Variants in LAMA2 observed in about 807,000 individuals in gnomAD.
The protein encoded by LAMA2 is laminin subunit alpha-2.
Under a neutral mutation model 364.8 loss-of-function variants are expected in LAMA2, and 269 were observed. That is an observed-to-expected ratio of 0.74 (90% CI 0.67 to 0.82). LAMA2 has a LOEUF of 0.82. LAMA2 is among the 40% of genes least tolerant of loss of function. The pLI is 0.00. For synonymous variants in LAMA2, 1,379 were observed against 1,370.6 expected (o/e 1.01, Z -0.14); for missense variants, 3,807 against 3,873.2 (o/e 0.98, Z 0.45).
At chr6:129,385,067 G>A (rs66497175) in intron 35 of LAMA2, among the ~76,000 whole-genome samples, 5,520 of 77,134 alleles carry the variant, frequency 0.072, 473 homozygotes, top group East Asian at 0.37. Context: ...GAAGGGAGGG[G>A]AGGGAAGGAA....
intron 1 of LAMA2, among the ~76,000 whole-genome samples, chr6:128,918,298 A>G (rs1232472061): frequency 6.6e-6 from 1 of 152,150 alleles, no homozygotes. Flanking sequence ...TTTTAGATAT[A>G]TTGGGGAAAA....
chr6:129,016,440 G>A (rs1157701681), intron 1 of LAMA2, among the ~76,000 whole-genome samples: 3 of 151,874 alleles, frequency 2.0e-5, no homozygotes, highest in Non-Finnish European at 2.9e-5. Flanking sequence ...AAATGACATC[G>A]CTATTGGCAT....
intron 1 of LAMA2, among the ~76,000 whole-genome samples, chr6:128,933,751 GT>G (rs1471353574): frequency 6.6e-6 from 1 of 152,100 alleles, no homozygotes; most frequent in African/African-American, 2.4e-5. Flanking sequence ...TTTTAGATAT[GT>G]TTAGGTCCTT....
intron 8 of LAMA2, chr6:129,159,216 G>T (rs1270051778): frequency 1.9e-6 from 2 of 1,076,474 alleles, no homozygotes; most frequent in Admixed American, 3.4e-5. Context: ...AGATTTTCTT[G>T]TAAAAGATCG....
At chr6:129,296,650 C>T (rs1050857317) in intron 20 of LAMA2, among the ~76,000 whole-genome samples, 9 of 151,692 alleles carry the variant, frequency 5.9e-5, no homozygotes, top group South Asian at 4.2e-4. Flanking sequence ...GGGTGGCTCA[C>T]GTTAAGTGGC....
chr6:129,452,769 C>G (rs903031928), intron 45 of LAMA2, among the ~76,000 whole-genome samples: 5 of 152,162 alleles, frequency 3.3e-5, no homozygotes, highest in Admixed American at 6.5e-5. Context: ...AGACATGGAA[C>G]TGTGAACAGC....
At chr6:129,260,639 T>C (rs2114319908) in intron 14 of LAMA2, 72 bp from the exon 15 acceptor site, 1 of 904,892 alleles carries the variant, frequency 1.1e-6, no homozygotes, top group Non-Finnish European at 1.9e-6. Context: ...TCATTGTTGC[T>C]GTACGATTCC....
At chr6:129,483,071 A>C (rs1264132315) in intron 55 of LAMA2, among the ~76,000 whole-genome samples, 2 of 151,172 alleles carry the variant, frequency 1.3e-5, no homozygotes, top group East Asian at 1.9e-4. Flanking sequence ...CGACTCGAAA[A>C]AAAAAAAAAA....
intron 1 of LAMA2, chr6:128,928,983 T>A: frequency 2.5e-6 from 3 of 1,179,778 alleles, no homozygotes; most frequent in Non-Finnish European, 3.8e-6. Flanking sequence ...TCATTCCAGC[T>A]CAGAAGGAGC....
chr6:129,297,850 G>A lies in LAMA2; in HGVS notation c.3022G>A (p.Glu1008Lys). ...TGCCCACGGCTATTTCAACTTCCAA[G>A]AAGGAGGCTGCACAGGTCTGTAAAT... Reference protein sequence around the residue: ...RCAHGYFNFQEGGCTACECSH... With the variant: ...RCAHGYFNFQKGGCTACECSH... Residue 1008 changes from glutamate (E) to lysine (K), a missense_variant, in exon 21 of 65, where the codon GAA becomes AAA. Coordinates refer to ENST00000421865, the MANE Select transcript of LAMA2 (RefSeq NM_000426.4). 1 of 1,613,776 alleles carries A rather than the reference G, an allele frequency of 6.2e-7. No homozygotes were observed. Among genetic ancestry groups the A allele is most frequent in the Non-Finnish European group, 8.5e-7 (1 of 1,179,840 alleles).
chr6:129,041,191 C>T lies in LAMA2; in HGVS notation c.113-8727C>T, dbSNP rs2114754715. ...TCACCTAGAGGAACATTGCCTGAAGCCTAAGGAAGCAGCCTTCCCTGTGCC... is the reference window on the plus strand; with the variant it reads ...TCACCTAGAGGAACATTGCCTGAAGTCTAAGGAAGCAGCCTTCCCTGTGCC... On this transcript the variant is annotated intron_variant, in intron 1 of 64. Transcript: ENST00000421865. Among the ~76,000 whole-genome samples, 4 of 152,268 alleles carry T rather than the reference C, an allele frequency of 2.6e-5. No individual in the cohort carries two copies. In the South Asian group the frequency reaches 8.3e-4, roughly 32 times the overall value.
intron 9 of LAMA2, among the ~76,000 whole-genome samples, chr6:129,170,680 C>T (rs555971097): frequency 3.1e-3 from 472 of 151,946 alleles, no homozygotes; most frequent in African/African-American, 7.7e-3. Flanking sequence ...TTATTAGGTC[C>T]GCTTGGTGCA....
At chr6:129,508,729 A>G (rs945483626) in intron 62 of LAMA2, among the ~76,000 whole-genome samples, 2 of 152,146 alleles carry the variant, frequency 1.3e-5, no homozygotes, top group African/African-American at 2.4e-5. Flanking sequence ...ATTCATATCC[A>G]GTATGTATAT....
chr6:129,045,841 G>A (rs1321836397), intron 1 of LAMA2, among the ~76,000 whole-genome samples: 2 of 152,220 alleles, frequency 1.3e-5, no homozygotes, highest in Non-Finnish European at 2.9e-5. Flanking sequence ...TTTCAGGGCA[G>A]ACCAAAGCAG....
chr6:129,153,261 A>T (rs1383267695), intron 7 of LAMA2, among the ~76,000 whole-genome samples: 1 of 152,196 alleles, frequency 6.6e-6, no homozygotes, highest in Non-Finnish European at 1.5e-5. Context: ...CACATGCATT[A>T]TCTCACTTGT....
intron 1 of LAMA2, among the ~76,000 whole-genome samples, chr6:128,914,667 C>T (rs1778201337): frequency 6.6e-6 from 1 of 152,046 alleles, no homozygotes; most frequent in Non-Finnish European, 1.5e-5. Flanking sequence ...TTCATGGACA[C>T]CTCAATTTAG....
At chr6:129,397,863 G>C (rs533159313) in intron 37 of LAMA2, among the ~76,000 whole-genome samples, 2 of 151,192 alleles carry the variant, frequency 1.3e-5, no homozygotes, top group African/African-American at 2.4e-5. Context: ...TGTGAACCTG[G>C]GAGGCAGAGC....
chr6:129,048,437 T>C (rs1374225908), intron 1 of LAMA2, among the ~76,000 whole-genome samples: 1 of 150,412 alleles, frequency 6.6e-6, no homozygotes, highest in Non-Finnish European at 1.5e-5. Flanking sequence ...GGTTTCTTTT[T>C]TCTTTTCTTT....
intron 1 of LAMA2, among the ~76,000 whole-genome samples, chr6:128,913,782 C>T (rs1306259066): frequency 6.6e-6 from 1 of 152,112 alleles, no homozygotes; most frequent in East Asian, 1.9e-4. Context: ...ATTACCTCAG[C>T]ACATGGAGAA....
Sources: allele counts gnomAD v4.1 joint callset (sites outside exome capture counted in the v4.1 genomes callset), GRCh38; gene constraint gnomAD v4.1.1; transcripts MANE v1.5; gene names NCBI Gene and HGNC (gene_info 2026-07-23, HGNC 2026-07-21).